Variants in BCL6 observed in about 807,000 individuals in gnomAD.
The protein encoded by BCL6 is B-cell lymphoma 6 protein.
In BCL6, 7 loss-of-function variants were observed where a neutral mutation model predicts 59.5. The ratio of observed to expected loss-of-function variants is 0.12; its 90% CI spans 0.07 to 0.22. The LOEUF (loss-of-function observed/expected upper bound fraction) is 0.22, where lower values mean the gene tolerates loss of function less well. BCL6 is among the 10% of genes least tolerant of loss of function. The probability of loss-of-function intolerance (pLI) is 1.00; values close to 1 mark genes in which losing one functional copy is unlikely to be tolerated. For synonymous variants in BCL6, 339 were observed against 349.7 expected (o/e 0.97, Z 0.34); for missense variants, 685 against 939.4 (o/e 0.73, Z 3.54).
At chr3:187,743,016 C>T (rs1318950402) in intron 1 of BCL6, among the ~76,000 whole-genome samples, 1 of 132,784 alleles carries the variant, frequency 7.5e-6, no homozygotes, top group Admixed American at 7.2e-5. Context: ...GATCTTGCCG[C>T]CCCCTCTTTT....
chr3:187,744,851 A>G (rs570619895), intron 1 of BCL6, among the ~76,000 whole-genome samples: 3 of 152,154 alleles, frequency 2.0e-5, no homozygotes, highest in East Asian at 1.9e-4. Context: ...GAGGGAAAAA[A>G]CACAGCCGCA....
Position 187,725,571 on chromosome 3 carries a change from C to T in BCL6, c.1767G>A (p.Leu589=), listed in dbSNP as rs1325215328. The T allele has an allele frequency of 1.2e-6, 2 of 1,614,182 alleles. No individual in the cohort carries two copies. Among genetic ancestry groups the T allele is most frequent in the African/African-American group, 2.7e-5 (2 of 75,050 alleles). The part of the protein sequence containing the change: ...CGAQFNRPAN[L]KTHTRIHSGE... The stretch of plus-strand genomic sequence containing the variant: ...CAGAGTGAATTCGAGTGTGGGTTTT[C>T]AGGTTGGCTGGCCGGTTGAACTGGG... Residue 589 remains leucine (L), a synonymous_variant, in exon 8 of 10, where the codon CTG becomes CTA. Coordinates refer to ENST00000406870, the MANE Select transcript of BCL6 (RefSeq NM_001706.5). The surrounding 1 kb of genome is among the most constrained non-coding windows in gnomAD (Gnocchi z 4.7).
At chr3:187,744,817 GA>G (rs1711825290) in intron 1 of BCL6, among the ~76,000 whole-genome samples, 2 of 152,162 alleles carry the variant, frequency 1.3e-5, no homozygotes, top group Admixed American at 6.5e-5. Context: ...ACGGAGCAAG[GA>G]AAGCAGTTTG....
At chr3:187,745,388 CG>C (rs1711907486) in intron 1 of BCL6, 21 bp downstream of exon 1, 1 of 402,606 alleles carries the variant, frequency 2.5e-6, no homozygotes, top group East Asian at 3.5e-5. Flanking sequence ...GCAGCAGCGG[CG>C]GCAGCAACAG....
At chr3:187,744,890 C>A in intron 1 of BCL6, among the ~76,000 whole-genome samples, 1 of 152,250 alleles carries the variant, frequency 6.6e-6, no homozygotes, top group African/African-American at 2.4e-5. Context: ...AAGCCGTACG[C>A]AAGCAGCAGC....
chr3:187,729,881 C>T lies in BCL6; in HGVS notation c.524G>A (p.Cys175Tyr), dbSNP rs77274617. The stretch of plus-strand genomic sequence containing the variant: ...GCTGGGGGCAAAGGCTCTGCTCTCA[C>T]ACCCAGGGGCGCTCCTCAGTGGCAG... Reference protein sequence around the residue: ...NNLPLRSAPGCESRAFAPSLY... With the variant: ...NNLPLRSAPGYESRAFAPSLY... Residue 175 changes from cysteine (C) to tyrosine (Y), a missense_variant, in exon 5 of 10, where the codon TGT becomes TAT. Physicochemically the swap from Cys to Tyr is radical, Grantham distance 194 (BLOSUM62 -2). Coordinates refer to ENST00000406870, the MANE Select transcript of BCL6 (RefSeq NM_001706.5). The surrounding 1 kb of genome is among the most constrained non-coding windows in gnomAD (Gnocchi z 5.6). 2 of 1,614,036 alleles carry T rather than the reference C, an allele frequency of 1.2e-6. No homozygotes were observed. The highest frequency in any genetic ancestry group is 1.3e-5 in the African/African-American group (1 of 74,908).
intron 6 of BCL6, 77 bp downstream of exon 6, chr3:187,728,283 T>G: frequency 2.9e-6 from 4 of 1,386,582 alleles, no homozygotes; most frequent in African/African-American, 1.5e-5. Context: ...ACAGCATAAG[T>G]AAAATGGAGC....
In BCL6 at chr3:187,731,756, C is replaced by T; in HGVS notation, c.336G>A (p.Leu112=). 3 of 1,614,212 alleles carry T rather than the reference C, an allele frequency of 1.9e-6. No homozygotes were observed. The highest frequency in any genetic ancestry group is 2.5e-6 in the Non-Finnish European group (3 of 1,180,052). Residue 112 remains leucine (L), a synonymous_variant, in exon 4 of 10, where the codon CTG becomes CTA. Transcript: ENST00000406870. The part of the protein sequence containing the change: ...IMAVMATAMY[L]QMEHVVDTCR... ...AAGTGTCCACAACATGCTCCATCTG[C>T]AGGTACATAGCCGTGGCCATCACAG...
chr3:187,724,270 T>C (rs1472731464), intron 9 of BCL6, among the ~76,000 whole-genome samples: 3 of 152,190 alleles, frequency 2.0e-5, no homozygotes, highest in South Asian at 2.1e-4. Flanking sequence ...ATAATTTGCA[T>C]ATGGCACAAA....
chr3:187,737,003 C>G (rs904310523), intron 1 of BCL6: 2 of 152,168 alleles, frequency 1.3e-5, no homozygotes, highest in African/African-American at 4.8e-5. Context: ...GGACACGCCG[C>G]GTCTCCTAGA....
In BCL6 at chr3:187,721,478, T is replaced by C. The variant is rs752775763; in HGVS notation, c.*980A>G. On this transcript the variant is annotated 3_prime_UTR_variant, in exon 10 of 10. Coordinates refer to ENST00000406870, the MANE Select transcript of BCL6 (RefSeq NM_001706.5). The surrounding 1 kb of genome is among the most constrained non-coding windows in gnomAD (Gnocchi z 4.2). ...AGCCAAACCCTGTCTCCGGAGTAGT[T>C]ATAACACAAGCATGACGCAGAATGG... is the stretch of plus-strand genomic sequence containing the variant. The C allele has an allele frequency of 1.3e-5, 3 of 232,830 alleles. No homozygotes were observed. Among genetic ancestry groups the C allele is most frequent in the Non-Finnish European group, 2.6e-5 (3 of 117,558 alleles). 14.4% of individuals were successfully genotyped at this position (232,830 alleles called of 1,614,324 possible).
chr3:187,743,867 A>C (rs1711728392), intron 1 of BCL6, among the ~76,000 whole-genome samples: 2 of 152,220 alleles, frequency 1.3e-5, no homozygotes, highest in African/African-American at 4.8e-5. Flanking sequence ...TGCAAATCCA[A>C]CCAACCTCGC....
chr3:187,725,186 G>C lies in BCL6; in HGVS notation c.1840-108C>G. On this transcript the variant is annotated intron_variant, in intron 8 of 9. Transcript: ENST00000406870. The surrounding 1 kb of genome is among the most constrained non-coding windows in gnomAD (Gnocchi z 4.7). ...AGTGGGCCTTTCTCCAGGCCACTCT[G>C]CTCACCTGCACACAGGGACTGAGTG... 2 of 1,497,428 alleles carry C rather than the reference G, an allele frequency of 1.3e-6. No homozygotes were observed. The highest frequency in any genetic ancestry group is 1.8e-6 in the Non-Finnish European group (2 of 1,092,596). 92.8% of individuals were successfully genotyped at this position (1,497,428 alleles called of 1,614,324 possible).
intron 1 of BCL6, among the ~76,000 whole-genome samples, 190 bp downstream of exon 1, chr3:187,745,220 A>G (rs569332010): frequency 5.9e-5 from 9 of 152,296 alleles, no homozygotes; most frequent in South Asian, 2.1e-4. Flanking sequence ...TAGAATAAAT[A>G]AATATATACA....
chr3:187,739,638 A>T (rs1349891480), intron 1 of BCL6, among the ~76,000 whole-genome samples: 1 of 152,164 alleles, frequency 6.6e-6, no homozygotes, highest in Non-Finnish European at 1.5e-5. Context: ...GTGTTTTATC[A>T]TCAAGATCTG....
intron 7 of BCL6, among the ~76,000 whole-genome samples, chr3:187,726,182 C>T (rs1348513485): frequency 5.3e-5 from 8 of 152,174 alleles, no homozygotes; most frequent in Non-Finnish European, 1.2e-4. Flanking sequence ...CAGCTGGATT[C>T]CATTTGCAAG....
intron 3 of BCL6, 64 bp downstream of exon 3, chr3:187,733,469 T>G: frequency 6.4e-7 from 1 of 1,573,440 alleles, no homozygotes; most frequent in South Asian, 1.2e-5. Context: ...TGTTCTGCCT[T>G]GCTTGGCTGC....
intron 1 of BCL6, chr3:187,737,306 A>G (rs1464773865): frequency 1.3e-5 from 2 of 151,364 alleles, no homozygotes; most frequent in African/African-American, 4.9e-5. Flanking sequence ...AGGAACCAAA[A>G]AAAAAAAAAA....
chr3:187,736,501 T>C (rs1719289316), intron 1 of BCL6: 1 of 152,226 alleles, frequency 6.6e-6, no homozygotes, highest in South Asian at 2.1e-4. Flanking sequence ...AGCTCGCTTG[T>C]GGATTTCCAG....
Sources: gnomAD v4.1 joint callset for allele counts (sites outside exome capture counted in the v4.1 genomes callset) on GRCh38, gnomAD v4.1.1 for gene constraint, Gnocchi (gnomAD v3.1) non-coding constraint, MANE v1.5 for transcripts, NCBI Gene and HGNC (gene_info 2026-07-23, HGNC 2026-07-21) for gene names.